Variants in HIVEP1 observed in about 807,000 individuals in gnomAD.
HIVEP1 encodes HIVEP zinc finger 1.
A neutral mutation model predicts 180.0 loss-of-function variants in HIVEP1; 36 were observed. The ratio of observed to expected loss-of-function variants is 0.20; its 90% CI spans 0.15 to 0.26. The LOEUF is 0.26. Ranked by LOEUF, HIVEP1 falls within the 10% of genes least tolerant of loss-of-function variation. HIVEP1 has a pLI of 1.00. For missense variants in HIVEP1, 3,143 were observed against 3,268.7 expected (o/e 0.96, Z 0.94); for synonymous variants, 1,239 against 1,239.0 (o/e 1.00, Z 0.00).
At chr6:12,159,203 T>C (rs3777757) in intron 7 of HIVEP1, among the ~76,000 whole-genome samples, 24,672 of 152,040 alleles carry the variant, frequency 0.16, 2,656 homozygotes, top group East Asian at 0.47. Flanking sequence ...TGTGTGTGTG[T>C]GTGTGCGCGC....
intron 2 of HIVEP1, among the ~76,000 whole-genome samples, chr6:12,047,151 G>A (rs371263641): frequency 3.9e-5 from 6 of 151,978 alleles, no homozygotes; most frequent in African/African-American, 1.2e-4. Context: ...GAGCCACCGC[G>A]CCCAGCTGAC....
intron 2 of HIVEP1, among the ~76,000 whole-genome samples, chr6:12,075,541 C>T (rs565434502): frequency 7.3e-5 from 11 of 151,028 alleles, no homozygotes; most frequent in Non-Finnish European, 8.8e-5. Flanking sequence ...TACAACAACA[C>T]GTGTTGAGTT....
chr6:12,106,377 GTTTC>G (rs1343064013), intron 3 of HIVEP1, among the ~76,000 whole-genome samples: 1 of 151,994 alleles, frequency 6.6e-6, no homozygotes, highest in African/African-American at 2.4e-5. Context: ...GGGATGGTGT[GTTTC>G]TTTATTATGT....
downstream of HIVEP1, among the ~76,000 whole-genome samples, chr6:12,167,647 A>ATATATGTTATATATACATATACG (rs1562023649): frequency 3.1e-4 from 30 of 95,278 alleles, no homozygotes; most frequent in Admixed American, 1.9e-3. Flanking sequence ...ATACATATAC[A>ATATATGTTATATATACATATACG]TATATATGTT....
chr6:12,184,002 TAGATAGATAGATAGATAGATAGAC>T, the HIVEP1 span, among the ~76,000 whole-genome samples: 1 of 142,992 alleles, frequency 7.0e-6, no homozygotes, highest in African/African-American at 2.8e-5. Context: ...GATAGATAGA[TAGATAGATAGATAGATAGATAGAC>T]AGACAGACAG....
the HIVEP1 span, among the ~76,000 whole-genome samples, chr6:12,173,118 T>C: frequency 2.0e-5 from 3 of 152,070 alleles, no homozygotes; most frequent in South Asian, 4.1e-4. Context: ...AACTTCCAAG[T>C]ATATTAGGTT....
At chr6:12,043,585 TC>T (rs1409615199) in intron 2 of HIVEP1, among the ~76,000 whole-genome samples, 1 of 152,176 alleles carries the variant, frequency 6.6e-6, no homozygotes, top group East Asian at 1.9e-4. Flanking sequence ...CAGGCTGGTC[TC>T]AAACTCCTGA....
upstream of HIVEP1, among the ~76,000 whole-genome samples, chr6:12,011,313 G>T (rs1767284276): frequency 8.5e-6 from 1 of 117,000 alleles, no homozygotes; most frequent in African/African-American, 3.4e-5. Flanking sequence ...CTGCCCGGGC[G>T]AGGGGCGGGG....
chr6:12,074,523 A>G (rs1168727155), intron 2 of HIVEP1, among the ~76,000 whole-genome samples: 1 of 152,154 alleles, frequency 6.6e-6, no homozygotes, highest in African/African-American at 2.4e-5. Context: ...TTCACAGTGC[A>G]AGAATAATGA....
the HIVEP1 span, among the ~76,000 whole-genome samples, chr6:12,202,308 T>TG: frequency 1.3e-5 from 2 of 151,700 alleles, no homozygotes; most frequent in East Asian, 1.9e-4. Flanking sequence ...GGCTAATTTT[T>TG]TTTTTCTTTT....
chr6:12,187,111 T>G, the HIVEP1 span, among the ~76,000 whole-genome samples: 19 of 152,056 alleles, frequency 1.2e-4, no homozygotes, highest in African/African-American at 4.6e-4. Flanking sequence ...AATGAAGAAT[T>G]TCAGTGGTTG....
At position 12,122,051 on chromosome 6, in the gene HIVEP1, C is replaced by T. The variant is rs375505431; in HGVS notation, c.2256C>T (p.Ile752=). Residue 752 remains isoleucine (I), a synonymous_variant, in exon 4 of 9, where the codon ATC becomes ATT. Transcript: ENST00000379388. Reference sequence around the variant, plus strand: ...TTGAGGAGCGGATATCGAAGCTTATCTCAGACAATGAAGCTTTGGTAGATG... The same window carrying T: ...TTGAGGAGCGGATATCGAAGCTTATTTCAGACAATGAAGCTTTGGTAGATG... ...KTLEERISKL[I]SDNEALVDDK... 6.2e-7 allele frequency: 1 copy of T among 1,614,040 alleles called. No homozygotes were observed. Among genetic ancestry groups the T allele is most frequent in the African/African-American group, 1.3e-5 (1 of 74,916 alleles).
rs1217123857 is a variant in HIVEP1 at position 12,078,672 on chromosome 6, TAC to T, written c.41-10505_41-10504del. On this transcript the variant is annotated intron_variant, in intron 2 of 8. Transcript: ENST00000379388. ...ACACATACATATATATACATATATA[TAC>T]ACACACTATACACACATATAAACAT... 4.7e-5 allele frequency among the ~76,000 whole-genome samples: 6 copies of T among 128,858 alleles called. No homozygotes were observed. In the East Asian group the frequency reaches 7.8e-4, roughly 17 times the overall value. 84.5% of individuals were successfully genotyped at this position (128,858 alleles called of 152,430 possible).
chr6:12,207,165 TG>T, the HIVEP1 span, among the ~76,000 whole-genome samples: 4 of 152,320 alleles, frequency 2.6e-5, no homozygotes, highest in East Asian at 7.7e-4. Context: ...CTGGGTCGTC[TG>T]GTGAGGCACC....
intron 7 of HIVEP1, among the ~76,000 whole-genome samples, chr6:12,140,379 G>A (rs1049680402): frequency 1.3e-5 from 2 of 152,140 alleles, no homozygotes; most frequent in African/African-American, 4.8e-5. Flanking sequence ...CAACATCAAA[G>A]ACCAAAGGTA....
intron 2 of HIVEP1, among the ~76,000 whole-genome samples, chr6:12,072,998 G>T (rs1166405047): frequency 1.3e-5 from 2 of 152,010 alleles, no homozygotes; most frequent in African/African-American, 4.8e-5. Flanking sequence ...TGATTTGCGT[G>T]CCTAATAATT....
intron 2 of HIVEP1, among the ~76,000 whole-genome samples, chr6:12,082,923 C>T (rs913770199): frequency 2.0e-5 from 3 of 152,086 alleles, no homozygotes; most frequent in Non-Finnish European, 1.5e-5. Flanking sequence ...ATTGGAACTT[C>T]GCAATTTGGA....
At chr6:12,078,682 A>G (rs749205938) in intron 2 of HIVEP1, among the ~76,000 whole-genome samples, 2 of 151,236 alleles carry the variant, frequency 1.3e-5, no homozygotes, top group Non-Finnish European at 2.9e-5. Flanking sequence ...TACACACACT[A>G]TACACACATA....
chr6:12,020,984 A>C (rs1256593566), intron 2 of HIVEP1, among the ~76,000 whole-genome samples: 2 of 141,112 alleles, frequency 1.4e-5, no homozygotes, highest in African/African-American at 2.7e-5. Context: ...TCCACCTCCC[A>C]GGTTCAAGCC....
Sources: allele counts gnomAD v4.1 joint callset (sites outside exome capture counted in the v4.1 genomes callset), GRCh38; gene constraint gnomAD v4.1.1; transcripts MANE v1.5; gene names NCBI Gene and HGNC (gene_info 2026-07-23, HGNC 2026-07-21).